The following C8orf34 variants were observed in gnomAD, a reference collection of about 807,000 sequenced individuals.
C8orf34 encodes uncharacterized protein C8orf34.
C8orf34 carries 65 observed loss-of-function variants against 68.3 expected under a neutral mutation model. That is an observed-to-expected ratio of 0.95 (90% CI 0.78 to 1.17). The LOEUF (loss-of-function observed/expected upper bound fraction) is 1.17. Among genes scored for constraint, C8orf34 ranks in the 50% most tolerant of loss-of-function variants. The pLI is 0.00. For synonymous variants in C8orf34, 244 were observed against 241.2 expected, an observed-to-expected ratio of 1.01 and a Z score of -0.11; for missense variants, 664 against 655.4, an observed-to-expected ratio of 1.01 and a Z score of -0.14.
At chr8:68,567,612 T>TGAG (rs1246041583) in intron 7 of C8orf34, among the ~76,000 whole-genome samples, 27 of 100,836 alleles carry the variant, frequency 2.7e-4, no homozygotes, top group African/African-American at 9.2e-4. Context: ...TTTTTTTTTT[T>TGAG]GAGGAGGAGT....
intron 8 of C8orf34, among the ~76,000 whole-genome samples, chr8:68,686,239 A>G (rs11989629): frequency 0.065 from 9,941 of 152,138 alleles, 439 homozygotes; most frequent in African/African-American, 0.12. Flanking sequence ...ATCGTACTGA[A>G]ACTTCCAGAT....
chr8:68,502,109 A>G (rs1000587247), intron 5 of C8orf34, among the ~76,000 whole-genome samples: 4 of 152,160 alleles, frequency 2.6e-5, no homozygotes, highest in Non-Finnish European at 5.9e-5. Flanking sequence ...CTCTGTCCCC[A>G]GGCTGGAGTG....
intron 1 of C8orf34, among the ~76,000 whole-genome samples, chr8:68,361,390 GC>G (rs1374357995): frequency 6.6e-6 from 1 of 152,122 alleles, no homozygotes; most frequent in East Asian, 1.9e-4. Context: ...GGAGGAGGCA[GC>G]TTTTGTGGGA....
intron 7 of C8orf34, among the ~76,000 whole-genome samples, chr8:68,630,714 T>C (rs1447428560): frequency 6.6e-6 from 1 of 152,112 alleles, no homozygotes. Context: ...GTCCTACAAT[T>C]AATGTTTATA....
At chr8:68,354,828 C>T (rs139197130) in intron 1 of C8orf34, among the ~76,000 whole-genome samples, 72 of 152,144 alleles carry the variant, frequency 4.7e-4, no homozygotes, top group African/African-American at 1.5e-3. Context: ...TGTTTTGCTT[C>T]GTGCTTCATT....
chr8:68,343,946 C>T (rs183172295), intron 1 of C8orf34, among the ~76,000 whole-genome samples: 2 of 152,124 alleles, frequency 1.3e-5, no homozygotes, highest in Admixed American at 6.5e-5. Context: ...AGGCTGGTCT[C>T]GAACTCCTGG....
chr8:68,633,408 G>T (rs1009460606), intron 7 of C8orf34, among the ~76,000 whole-genome samples: 5 of 152,126 alleles, frequency 3.3e-5, no homozygotes, highest in African/African-American at 1.2e-4. Context: ...GGATGGGGTT[G>T]ATCACATAAT....
At chr8:68,659,317 T>C (rs1030814702) in intron 8 of C8orf34, among the ~76,000 whole-genome samples, 1 of 152,186 alleles carries the variant, frequency 6.6e-6, no homozygotes, top group African/African-American at 2.4e-5. Context: ...TCTCACACAG[T>C]GAGCCTGGTT....
At chr8:68,439,253 C>A (rs1007848519) in intron 1 of C8orf34, 10 of 303,816 alleles carry the variant, frequency 3.3e-5, no homozygotes, top group African/African-American at 1.7e-4. Context: ...AAAATAAAAA[C>A]TAAATAAATC....
intron 2 of C8orf34, among the ~76,000 whole-genome samples, chr8:68,443,979 T>C (rs1457538931): frequency 6.6e-6 from 1 of 152,198 alleles, no homozygotes; most frequent in Non-Finnish European, 1.5e-5. Flanking sequence ...CAAATTTTAC[T>C]GGAATGTCAA....
At chr8:68,756,790 A>G (rs1003615844) in intron 10 of C8orf34, among the ~76,000 whole-genome samples, 3 of 152,142 alleles carry the variant, frequency 2.0e-5, no homozygotes, top group African/African-American at 7.2e-5. Context: ...AAATATTCTG[A>G]TCAATATTTT....
At chr8:68,636,610 T>G (rs1413793671) in intron 7 of C8orf34, among the ~76,000 whole-genome samples, 1 of 151,942 alleles carries the variant, frequency 6.6e-6, no homozygotes, top group Admixed American at 6.6e-5. Context: ...ATTGTCTGCA[T>G]GTATATTCAA....
chr8:68,433,811 C>T (rs915660917), intron 1 of C8orf34, among the ~76,000 whole-genome samples: 1 of 152,106 alleles, frequency 6.6e-6, no homozygotes, highest in Non-Finnish European at 1.5e-5. Context: ...ATGACTCATT[C>T]CAGTTTTAAT....
At chr8:68,536,473 A>G (rs13258498) in intron 7 of C8orf34, among the ~76,000 whole-genome samples, 46,548 of 151,464 alleles carry the variant, frequency 0.31, 8,309 homozygotes, top group Non-Finnish European at 0.39. Context: ...AGTTTAAAAG[A>G]TATTTCACCT....
At chr8:68,766,873 A>G (rs1227991903) in intron 10 of C8orf34, among the ~76,000 whole-genome samples, 1 of 152,210 alleles carries the variant, frequency 6.6e-6, no homozygotes, top group Non-Finnish European at 1.5e-5. Flanking sequence ...TAATGAGAAC[A>G]CCACTGATGC....
chr8:68,330,550 G>A (rs944606313), upstream of C8orf34, among the ~76,000 whole-genome samples: 2 of 152,174 alleles, frequency 1.3e-5, no homozygotes, highest in Admixed American at 1.3e-4. Flanking sequence ...AGGGCAGAAG[G>A]TGCTGAGGAG....
At chr8:68,358,950 C>A (rs1010119473) in intron 1 of C8orf34, among the ~76,000 whole-genome samples, 1 of 152,092 alleles carries the variant, frequency 6.6e-6, no homozygotes, top group Non-Finnish European at 1.5e-5. Flanking sequence ...CCACCCACTT[C>A]GGCCTCCCAA....
rs185850784 is a variant in C8orf34, at chr8:68,702,268, G to A, written c.1242-6726G>A. Among the ~76,000 whole-genome samples, 390 of 152,000 alleles carry A rather than the reference G, an allele frequency of 2.6e-3. 2 individuals carry two copies. Among genetic ancestry groups the A allele is most frequent in the Non-Finnish European group, 2.8e-3 (193 of 67,986 alleles). ...TCTGCTCTTCTCTTGCTGGATTATC[G>A]CAAAAGCTCCCCAAATACCCTCCTA... On this transcript the variant is annotated intron_variant, in intron 8 of 13. Transcript: ENST00000518698.
chr8:68,796,226 G>A (rs1824174151), intron 12 of C8orf34, among the ~76,000 whole-genome samples: 7 of 152,166 alleles, frequency 4.6e-5, no homozygotes, highest in Admixed American at 4.6e-4. Context: ...TGTTCTATGG[G>A]TTGTTGTAAG....
Sources: allele counts gnomAD v4.1 joint callset (sites outside exome capture counted in the v4.1 genomes callset), GRCh38; gene constraint gnomAD v4.1.1; transcripts MANE v1.5; gene names NCBI Gene and HGNC (gene_info 2026-07-23, HGNC 2026-07-21).